ODAD2: variants seen among roughly 807,000 people sequenced by gnomAD.
ODAD2 encodes the protein outer dynein arm docking complex subunit 2, also known as outer dynein arm-docking complex subunit 2.
In ODAD2, 89 loss-of-function variants were observed where a neutral mutation model predicts 106.8. That is an observed-to-expected ratio of 0.83 (90% CI 0.70 to 0.99). ODAD2 has a LOEUF of 0.99. Ranked by LOEUF, ODAD2 falls within the 50% of genes least tolerant of loss-of-function variation. The pLI is 0.00. For missense variants in ODAD2, 1,168 were observed against 1,238.5 expected (o/e 0.94, Z 0.85); for synonymous variants, 404 against 436.2 (o/e 0.93, Z 0.92).
At chr10:27,817,900 A>G (rs1196090440) in intron 19 of ODAD2, among the ~76,000 whole-genome samples, 2 of 152,078 alleles carry the variant, frequency 1.3e-5, no homozygotes, top group Non-Finnish European at 2.9e-5. Context: ...CAGTCTTTAA[A>G]GCAGATACAA....
chr10:27,819,674 G>A (rs934488457), intron 19 of ODAD2, among the ~76,000 whole-genome samples: 2 of 151,806 alleles, frequency 1.3e-5, no homozygotes, highest in Admixed American at 1.3e-4. Flanking sequence ...GGCTGAGACG[G>A]GAGGATGGCT....
intron 19 of ODAD2, among the ~76,000 whole-genome samples, chr10:27,849,838 T>C (rs1055267572): frequency 6.6e-6 from 1 of 152,222 alleles, no homozygotes; most frequent in East Asian, 1.9e-4. Context: ...TAATTTTCAA[T>C]TCTTTTTAAA....
intron 12 of ODAD2, among the ~76,000 whole-genome samples, chr10:27,942,285 T>C (rs1191313876): frequency 6.6e-6 from 1 of 152,208 alleles, no homozygotes; most frequent in East Asian, 1.9e-4. Context: ...ATAATTGTCT[T>C]AGTTGTTTTG....
intron 19 of ODAD2, among the ~76,000 whole-genome samples, chr10:27,819,059 T>C (rs1302785512): frequency 2.0e-5 from 3 of 152,210 alleles, no homozygotes; most frequent in Admixed American, 6.5e-5. Context: ...ACATCTTTAA[T>C]AGATGTTTGA....
At chr10:27,942,095 A>G (rs752137249) in intron 12 of ODAD2, among the ~76,000 whole-genome samples, 4 of 152,216 alleles carry the variant, frequency 2.6e-5, no homozygotes, top group Non-Finnish European at 5.9e-5. Flanking sequence ...ACAGATGCAC[A>G]ACAATAAATG....
Position 27,907,874 on chromosome 10 carries a change from A to T in ODAD2, c.2496-97T>A, listed in dbSNP as rs1292578328. 3.1e-5 allele frequency: 27 copies of T among 864,070 alleles called. No individual in the cohort carries two copies. In the East Asian group the frequency reaches 6.8e-4, roughly 22 times the overall value. 53.5% of individuals were successfully genotyped at this position (864,070 alleles called of 1,614,324 possible). A position where few individuals can be genotyped will look rare whatever the true frequency, so the allele number is the denominator to read the frequency against. On this transcript the variant is annotated intron_variant, in intron 16 of 19. Coordinates refer to ENST00000305242, the MANE Select transcript of ODAD2 (RefSeq NM_018076.5). ...TATTTAATTATTTTTTCTCCTTTTG[A>T]TATTTTGCTTAGAATTTTTTTTTTT...
In ODAD2 at chr10:27,936,968, G is replaced by C. The variant is rs2297646; in HGVS notation, c.2098-88C>G. On this transcript the variant is annotated intron_variant, in intron 14 of 19. Transcript: ENST00000305242. ...AAAAAGGCTGCCATTCTAGTAGCTA[G>C]GAAACTTCTTTCTAGAGAGATCATT... 1.5e-5 allele frequency: 21 copies of C among 1,371,172 alleles called. 1 individual carries two copies. The South Asian group carries it at 2.9e-4, about 19-fold the overall frequency. 84.9% of individuals were successfully genotyped at this position (1,371,172 alleles called of 1,614,324 possible).
chr10:27,841,850 G>T (rs1838330227), intron 19 of ODAD2, among the ~76,000 whole-genome samples: 2 of 151,976 alleles, frequency 1.3e-5, no homozygotes, highest in African/African-American at 2.4e-5. Flanking sequence ...GACCTCCCAG[G>T]CTAAAGTGAT....
chr10:27,934,859 AT>A, intron 16 of ODAD2, 150 bp downstream of exon 16: 1 of 1,080,084 alleles, frequency 9.3e-7, no homozygotes, highest in South Asian at 1.6e-5. Context: ...TCTGTAACTC[AT>A]GATTTGGTAA....
At chr10:27,863,152 C>A (rs1840179063) in intron 17 of ODAD2, among the ~76,000 whole-genome samples, 1 of 152,166 alleles carries the variant, frequency 6.6e-6, no homozygotes, top group Non-Finnish European at 1.5e-5. Flanking sequence ...ATATTGAACT[C>A]ATGGCCAACA....
At chr10:27,937,005 C>T in intron 14 of ODAD2, 125 bp from the exon 15 acceptor site, 2 of 845,096 alleles carry the variant, frequency 2.4e-6, no homozygotes, top group African/African-American at 1.7e-5. Context: ...TCGAAAGATG[C>T]CTCCAAGTAA....
At chr10:27,972,669 A>G (rs1171495347) in intron 7 of ODAD2, among the ~76,000 whole-genome samples, 2 of 152,210 alleles carry the variant, frequency 1.3e-5, no homozygotes, top group African/African-American at 4.8e-5. Context: ...AATAATATTA[A>G]CAGGGACGAA....
At chr10:27,983,697 C>T in intron 6 of ODAD2, 146 bp downstream of exon 6, 2 of 767,086 alleles carry the variant, frequency 2.6e-6, no homozygotes, top group Non-Finnish European at 2.0e-6. Context: ...TTTGGATTTG[C>T]CCAGCAAGCA....
chr10:27,940,491 AC>A, intron 13 of ODAD2, 71 bp downstream of exon 13: 1 of 1,566,470 alleles, frequency 6.4e-7, no homozygotes. Context: ...CATCATGATA[AC>A]CTTAGAAACA....
At chr10:27,962,972 C>G (rs1172260545) in intron 9 of ODAD2, among the ~76,000 whole-genome samples, 1 of 151,552 alleles carries the variant, frequency 6.6e-6, no homozygotes, top group Non-Finnish European at 1.5e-5. Flanking sequence ...TAAATAATAC[C>G]AACAGCAGCC....
chr10:27,866,853 C>T (rs751103161), intron 17 of ODAD2, among the ~76,000 whole-genome samples: 7 of 152,248 alleles, frequency 4.6e-5, no homozygotes, highest in Non-Finnish European at 8.8e-5. Flanking sequence ...TCCCATTAGA[C>T]CCCACTCCAA....
intron 17 of ODAD2, among the ~76,000 whole-genome samples, chr10:27,875,029 T>C (rs1172590953): frequency 1.3e-5 from 2 of 152,220 alleles, no homozygotes; most frequent in Non-Finnish European, 2.9e-5. Flanking sequence ...CATAGTCCCA[T>C]ATTTCTTGGA....
intron 1 of ODAD2, among the ~76,000 whole-genome samples, chr10:27,997,198 T>C (rs1285790321): frequency 6.6e-6 from 1 of 152,232 alleles, no homozygotes; most frequent in Non-Finnish European, 1.5e-5. Flanking sequence ...TTTCTATTGC[T>C]AACCGATGAG....
At chr10:27,841,363 C>T (rs1838293278) in intron 19 of ODAD2, among the ~76,000 whole-genome samples, 1 of 152,134 alleles carries the variant, frequency 6.6e-6, no homozygotes, top group African/African-American at 2.4e-5. Context: ...GTAGACAGAT[C>T]AGCTTCCAGT....
Sources: allele counts gnomAD v4.1 joint callset (sites outside exome capture counted in the v4.1 genomes callset), GRCh38; gene constraint gnomAD v4.1.1; transcripts MANE v1.5; gene names NCBI Gene and HGNC (gene_info 2026-07-23, HGNC 2026-07-21).